DMRT1: variants seen among roughly 807,000 people sequenced by gnomAD.
DMRT1 encodes the protein doublesex- and mab-3-related transcription factor 1.
In DMRT1, 7 loss-of-function variants were observed where a neutral mutation model predicts 32.3. The observed-to-expected ratio is 0.22, with a 90% CI of 0.12 to 0.41. DMRT1 has a LOEUF of 0.41. Ranked by LOEUF, DMRT1 falls within the 10% of genes least tolerant of loss-of-function variation. The probability of loss-of-function intolerance (pLI) is 1.00; values close to 1 mark genes in which losing one functional copy is unlikely to be tolerated. For missense variants in DMRT1, 625 were observed against 500.5 expected, an observed-to-expected ratio of 1.25 and a Z score of -2.37; for synonymous variants, 278 against 206.1, an observed-to-expected ratio of 1.35 and a Z score of -2.99.
chr9:888,128 T>C (rs1381821706), intron 2 of DMRT1, among the ~76,000 whole-genome samples: 1 of 152,158 alleles, frequency 6.6e-6, no homozygotes, highest in Non-Finnish European at 1.5e-5. Flanking sequence ...TCAACTGGAA[T>C]AAGCATTTGA....
chr9:860,628 A>C (rs901854753), intron 2 of DMRT1, among the ~76,000 whole-genome samples: 1 of 152,252 alleles, frequency 6.6e-6, no homozygotes, highest in South Asian at 2.1e-4. Context: ...TTGATAAACA[A>C]GTACATCAAT....
chr9:917,879 T>A (rs961067058), intron 4 of DMRT1, among the ~76,000 whole-genome samples: 2 of 152,196 alleles, frequency 1.3e-5, no homozygotes, highest in African/African-American at 2.4e-5. Context: ...GGAGCCTATG[T>A]AGTTTGAGCT....
chr9:945,690 T>A (rs1819218415), intron 4 of DMRT1, among the ~76,000 whole-genome samples: 1 of 152,134 alleles, frequency 6.6e-6, no homozygotes, highest in Admixed American at 6.5e-5. Flanking sequence ...CACTGCTGTT[T>A]TTATTCTCTG....
At chr9:921,057 A>G (rs1379004458) in intron 4 of DMRT1, among the ~76,000 whole-genome samples, 1 of 152,178 alleles carries the variant, frequency 6.6e-6, no homozygotes, top group Non-Finnish European at 1.5e-5. Flanking sequence ...ACCATAATTA[A>G]AGTGTACAAT....
At chr9:854,736 A>T (rs567512914) in intron 2 of DMRT1, among the ~76,000 whole-genome samples, 3 of 149,448 alleles carry the variant, frequency 2.0e-5, no homozygotes, top group African/African-American at 7.4e-5. Context: ...CTTTCAAATT[A>T]AACAAATTTT....
At chr9:854,017 G>C (rs1189245796) in intron 2 of DMRT1, among the ~76,000 whole-genome samples, 1 of 151,574 alleles carries the variant, frequency 6.6e-6, no homozygotes, top group African/African-American at 2.4e-5. Flanking sequence ...GCCCACGCTG[G>C]TCTTGAACTC....
At chr9:894,505 TG>T (rs563244545) in intron 3 of DMRT1, 337 of 416,238 alleles carry the variant, frequency 8.1e-4, no homozygotes, top group Admixed American at 1.2e-3. Flanking sequence ...TCTCATTTTT[TG>T]AATGTTGCAT....
rs1203162206 is a variant in DMRT1, at chr9:966,320, T to C, written c.968-1665T>C. ...TATGCATATGCGTGCTTTTTTGTTA[T>C]GAAATACTACTTAATGACTCCCTTT... On this transcript the variant is annotated intron_variant, in intron 4 of 4. Transcript: ENST00000382276. Among the ~76,000 whole-genome samples, 3 of 152,312 alleles carry C rather than the reference T, an allele frequency of 2.0e-5. No homozygotes were observed. The East Asian group carries it at 5.8e-4, about 29-fold the overall frequency.
At chr9:880,940 C>G (rs80330121) in intron 2 of DMRT1, among the ~76,000 whole-genome samples, 1 of 152,092 alleles carries the variant, frequency 6.6e-6, no homozygotes, top group African/African-American at 2.4e-5. Flanking sequence ...CCTCCAACCA[C>G]ATTTTGACAG....
chr9:886,370 C>G (rs908858539), intron 2 of DMRT1, among the ~76,000 whole-genome samples: 1 of 152,192 alleles, frequency 6.6e-6, no homozygotes, highest in African/African-American at 2.4e-5. Context: ...ATTCTCCTGC[C>G]TCAGCCTTCT....
rs149922694 is a variant in DMRT1 at position 846,996 on chromosome 9, T to C, written c.391T>C (p.Leu131=). 1.4e-5 allele frequency: 22 copies of C among 1,613,972 alleles called. No homozygotes were observed. Among genetic ancestry groups the C allele is most frequent in the South Asian group, 1.1e-4 (10 of 91,082 alleles). ...AAGGCAGCAGGCCCAGGAGGAGGAA[T>C]TGGGTATCAGCCACCCCATCCCACT... The part of the protein sequence containing the change: ...LRRQQAQEEE[L]GISHPIPLPS... The change falls in exon 2 of 5, where the codon TTG becomes CTG. Residue 131 remains leucine (L), a synonymous_variant. Transcript: ENST00000382276.
At chr9:902,076 A>AT (rs1284032991) in intron 3 of DMRT1, among the ~76,000 whole-genome samples, 1 of 149,418 alleles carries the variant, frequency 6.7e-6, no homozygotes, top group Non-Finnish European at 1.5e-5. Context: ...CGCCCAGCTA[A>AT]TTTTTGTATT....
chr9:878,062 G>A (rs527620232), intron 2 of DMRT1, among the ~76,000 whole-genome samples: 1 of 152,176 alleles, frequency 6.6e-6, no homozygotes, highest in Admixed American at 6.5e-5. Context: ...AATTATGCAT[G>A]GTAATGGGCA....
rs201947617 is a variant in DMRT1, at chr9:842,146, A to G, written c.308A>G (p.Lys103Arg). The change falls in exon 1 of 5, where the codon AAG becomes AGG. Residue 103 changes from lysine (K) to arginine (R), a missense_variant. Physicochemically the swap from Lys to Arg is conservative, Grantham distance 26. Coordinates refer to ENST00000382276, the MANE Select transcript of DMRT1 (RefSeq NM_021951.3). ...TGCATGTGGCGCGACTGCCAGTGCA[A>G]GAAGTGCAACCTGATCGCCGAGAGG... ...RFCMWRDCQC[K>R]KCNLIAERQR... is the part of the protein sequence containing the mutation. 194 of 1,547,532 alleles carry G rather than the reference A, an allele frequency of 1.3e-4. No homozygotes were observed. In the Middle Eastern group the frequency reaches 2.9e-3, roughly 23 times the overall value.
At chr9:951,970 C>CT (rs1402327003) in intron 4 of DMRT1, among the ~76,000 whole-genome samples, 5 of 152,168 alleles carry the variant, frequency 3.3e-5, no homozygotes, top group African/African-American at 1.2e-4. Flanking sequence ...AGCTAAGGAG[C>CT]TTGCTATGCT....
chr9:894,734 C>G (rs1817285126), intron 3 of DMRT1: 1 of 173,454 alleles, frequency 5.8e-6, no homozygotes, highest in Non-Finnish European at 1.2e-5. Context: ...TGAGCTGGAC[C>G]CAACCTGGGT....
chr9:945,242 C>T (rs995368179), intron 4 of DMRT1, among the ~76,000 whole-genome samples: 7 of 152,154 alleles, frequency 4.6e-5, no homozygotes, highest in Admixed American at 2.6e-4. Flanking sequence ...CAACCTCTGC[C>T]TCCCAGGTTC....
intron 1 of DMRT1, among the ~76,000 whole-genome samples, chr9:842,560 C>T (rs559919124): frequency 6.6e-6 from 1 of 151,474 alleles, no homozygotes. Flanking sequence ...TGAATGAAGT[C>T]CCCCCAGCAT....
chr9:916,677 C>T, intron 3 of DMRT1, 86 bp from the exon 4 acceptor site: 3 of 1,530,374 alleles, frequency 2.0e-6, no homozygotes, highest in Non-Finnish European at 1.8e-6. Context: ...CAGCCTGTTA[C>T]CTTGTTTTAA....
Sources: allele counts gnomAD v4.1 joint callset (sites outside exome capture counted in the v4.1 genomes callset), GRCh38; gene constraint gnomAD v4.1.1; transcripts MANE v1.5; gene names NCBI Gene and HGNC (gene_info 2026-07-23, HGNC 2026-07-21).